Variants in MAPK10 observed in about 807,000 individuals in gnomAD.
The protein encoded by MAPK10 is JNK3 alpha protein kinase.
A neutral mutation model predicts 59.3 loss-of-function variants in MAPK10; 25 were observed. That is an observed-to-expected ratio of 0.42 (90% CI 0.31 to 0.59). The LOEUF is 0.59. Among genes scored for constraint, MAPK10 ranks in the 20% least tolerant of loss-of-function variants. MAPK10 has a pLI of 0.15. For missense variants in MAPK10, 351 were observed against 568.9 expected (o/e 0.62, Z 3.90); for synonymous variants, 190 against 200.5 (o/e 0.95, Z 0.44).
intron 2 of MAPK10, among the ~76,000 whole-genome samples, chr4:86,285,405 C>T (rs1003930217): frequency 1.3e-4 from 20 of 151,906 alleles, no homozygotes; most frequent in African/African-American, 4.1e-4. Flanking sequence ...TTAGTAGAGA[C>T]GGGGTTTCAC....
intron 3 of MAPK10, among the ~76,000 whole-genome samples, chr4:86,162,948 T>C (rs1406762810): frequency 6.6e-6 from 1 of 152,112 alleles, no homozygotes; most frequent in Non-Finnish European, 1.5e-5. Flanking sequence ...AGATTTGGAT[T>C]CAAGCATCAG....
chr4:86,279,945 A>C (rs185198427), intron 2 of MAPK10, among the ~76,000 whole-genome samples: 358 of 152,282 alleles, frequency 2.4e-3, no homozygotes, highest in African/African-American at 8.2e-3. Context: ...TTTATTCCTT[A>C]AATTAAAAAA....
chr4:86,089,147 C>A, intron 9 of MAPK10: 3 of 1,325,424 alleles, frequency 2.3e-6, no homozygotes, highest in African/African-American at 1.4e-5. Flanking sequence ...GCATTTGAGA[C>A]AAAAGGGAAT....
chr4:86,150,077 A>G (rs925977795), intron 4 of MAPK10, among the ~76,000 whole-genome samples: 1 of 152,258 alleles, frequency 6.6e-6, no homozygotes, highest in Non-Finnish European at 1.5e-5. Flanking sequence ...TGATGGGTAG[A>G]TAAAGAAAAT....
In MAPK10 at chr4:86,089,787, C is replaced by T. The variant is rs1310143786; in HGVS notation, c.802+8737G>A. ...TAAATACAGTTCCAGAAGTGAAAAG[C>T]CAGTTCAAGAATGAATGTTTCAGAA... is the stretch of plus-strand genomic sequence containing the variant. On this transcript the variant is annotated intron_variant, in intron 9 of 13. Coordinates refer to ENST00000641462, the MANE Select transcript of MAPK10 (RefSeq NM_138982.4). Among the ~76,000 whole-genome samples the T allele has an allele frequency of 3.3e-5, 5 of 152,204 alleles. No homozygotes were observed. The East Asian group carries it at 7.7e-4, about 24-fold the overall frequency.
chr4:86,051,210 AG>A (rs2043457370), intron 11 of MAPK10, among the ~76,000 whole-genome samples: 1 of 152,202 alleles, frequency 6.6e-6, no homozygotes, highest in African/African-American at 2.4e-5. Flanking sequence ...ACCATTAGAA[AG>A]GGACATAATA....
At chr4:86,054,598 C>T (rs905668373) in intron 11 of MAPK10, among the ~76,000 whole-genome samples, 3 of 152,146 alleles carry the variant, frequency 2.0e-5, no homozygotes, top group Non-Finnish European at 2.9e-5. Context: ...CCACAAAATA[C>T]GAATTGCTCT....
At chr4:86,458,076 T>A (rs1751394822), upstream of MAPK10, 1 of 152,188 alleles carries the variant, frequency 6.6e-6, no homozygotes. Flanking sequence ...GGCAGGCAGA[T>A]CACCTGAGGT....
chr4:86,585,917 T>TA (rs1345877645), intron 1 of MAPK10, among the ~76,000 whole-genome samples: 1 of 152,174 alleles, frequency 6.6e-6, no homozygotes, highest in Non-Finnish European at 1.5e-5. Flanking sequence ...AGCCTTTAAT[T>TA]ATCAATTTTC....
At chr4:86,550,034 T>C (rs1358745824) in intron 1 of MAPK10, among the ~76,000 whole-genome samples, 1 of 152,184 alleles carries the variant, frequency 6.6e-6, no homozygotes, top group Non-Finnish European at 1.5e-5. Flanking sequence ...CAAGTAACCA[T>C]GACTTCCAGG....
At chr4:86,168,814 C>T (rs1012200069) in intron 3 of MAPK10, among the ~76,000 whole-genome samples, 1 of 152,172 alleles carries the variant, frequency 6.6e-6, no homozygotes, top group Admixed American at 6.5e-5. Flanking sequence ...AGGCACCCCC[C>T]AGTAGGGGCA....
intron 7 of MAPK10, among the ~76,000 whole-genome samples, chr4:86,101,633 A>C (rs558812412): frequency 6.6e-5 from 10 of 152,130 alleles, no homozygotes; most frequent in Non-Finnish European, 1.2e-4. Context: ...TGCACATATG[A>C]CTTCTGCCAA....
chr4:86,360,155 G>A, upstream of MAPK10: 19 of 986,036 alleles, frequency 1.9e-5, no homozygotes, highest in Non-Finnish European at 2.3e-5. Flanking sequence ...GTCTAGGGAG[G>A]GGGATGAGGG....
At chr4:86,421,345 A>AT (rs1746514779) in intron 1 of MAPK10, among the ~76,000 whole-genome samples, 1 of 152,178 alleles carries the variant, frequency 6.6e-6, no homozygotes. Flanking sequence ...ATAACAATAA[A>AT]TTATAAATTC....
intron 2 of MAPK10, among the ~76,000 whole-genome samples, chr4:86,245,497 T>A (rs1454791529): frequency 6.6e-6 from 1 of 152,056 alleles, no homozygotes; most frequent in African/African-American, 2.4e-5. Context: ...TTAATTAAAA[T>A]TAATTTTAAA....
At chr4:86,394,227 C>T (rs1441776610) in intron 1 of MAPK10, among the ~76,000 whole-genome samples, 5 of 151,818 alleles carry the variant, frequency 3.3e-5, no homozygotes, top group Non-Finnish European at 7.4e-5. Flanking sequence ...CCAGATCGCG[C>T]CATTGCACTC....
intron 1 of MAPK10, among the ~76,000 whole-genome samples, chr4:86,395,732 T>C (rs1742817426): frequency 6.6e-6 from 1 of 152,172 alleles, no homozygotes; most frequent in Non-Finnish European, 1.5e-5. Context: ...CTGGCAGATT[T>C]CATTACTGGT....
intron 3 of MAPK10, among the ~76,000 whole-genome samples, chr4:86,181,444 T>C (rs1185873544): frequency 3.9e-5 from 6 of 152,126 alleles, no homozygotes; most frequent in Non-Finnish European, 8.8e-5. Flanking sequence ...AAATCATCGG[T>C]AAATGTTTAC....
At chr4:86,572,116 TA>T (rs1761505007) in intron 1 of MAPK10, among the ~76,000 whole-genome samples, 1 of 152,146 alleles carries the variant, frequency 6.6e-6, no homozygotes, top group South Asian at 2.1e-4. Context: ...CATGCACATA[TA>T]TTTTGTTCTT....
Sources: gnomAD v4.1 joint callset for allele counts (sites outside exome capture counted in the v4.1 genomes callset) on GRCh38, gnomAD v4.1.1 for gene constraint, MANE v1.5 for transcripts, NCBI Gene and HGNC (gene_info 2026-07-23, HGNC 2026-07-21) for gene names.